TOM1L2: variants seen among roughly 807,000 people sequenced by gnomAD.
TOM1L2 encodes the protein TOM1-like protein 2.
TOM1L2 carries 31 observed loss-of-function variants against 67.9 expected under a neutral mutation model. The observed-to-expected ratio is 0.46, with a 90% CI of 0.34 to 0.62. The LOEUF is 0.62. TOM1L2 is among the 20% of genes least tolerant of loss of function. The pLI is 0.01. For synonymous variants in TOM1L2, 256 were observed against 254.0 expected (o/e 1.01, Z -0.07); for missense variants, 606 against 663.5 (o/e 0.91, Z 0.95).
chr17:17,971,099 C>G (rs570503684), intron 1 of TOM1L2, among the ~76,000 whole-genome samples: 1 of 152,250 alleles, frequency 6.6e-6, no homozygotes, highest in Non-Finnish European at 1.5e-5. Context: ...CCACATCCCC[C>G]CTATAGGATT....
chr17:17,932,984 T>C (rs2040395022), intron 1 of TOM1L2, among the ~76,000 whole-genome samples: 1 of 152,220 alleles, frequency 6.6e-6, no homozygotes, highest in African/African-American at 2.4e-5. Flanking sequence ...ACCTTATCAG[T>C]TATGATTGCA....
chr17:17,920,433 C>T (rs1034549012), intron 1 of TOM1L2, among the ~76,000 whole-genome samples: 3 of 146,004 alleles, frequency 2.1e-5, no homozygotes, highest in African/African-American at 8.0e-5. Context: ...CGCCGGCTCC[C>T]GGGTTCAAGC....
chr17:17,970,191 A>G (rs2042014067), intron 1 of TOM1L2, among the ~76,000 whole-genome samples: 1 of 151,264 alleles, frequency 6.6e-6, no homozygotes, highest in Non-Finnish European at 1.5e-5. Context: ...AGTAGCTGGG[A>G]CTACAGGCGC....
At chr17:17,869,193 G>T in intron 8 of TOM1L2, 147 bp downstream of exon 8, 1 of 1,454,946 alleles carries the variant, frequency 6.9e-7, no homozygotes, top group Admixed American at 2.3e-5. Flanking sequence ...CCTGTCAGCC[G>T]GGAACAAATT....
At chr17:17,960,599 GA>G (rs1171332861) in intron 1 of TOM1L2, among the ~76,000 whole-genome samples, 6 of 152,092 alleles carry the variant, frequency 3.9e-5, no homozygotes, top group Non-Finnish European at 8.8e-5. Context: ...TGGCTGCCCA[GA>G]ATACTAGTAT....
At chr17:17,895,814 T>C (rs1369883605) in intron 3 of TOM1L2, among the ~76,000 whole-genome samples, 1 of 152,196 alleles carries the variant, frequency 6.6e-6, no homozygotes. Context: ...GAAATAACCC[T>C]GTAAGATGGG....
intron 1 of TOM1L2, among the ~76,000 whole-genome samples, chr17:17,915,697 A>T (rs2040141022): frequency 6.6e-6 from 1 of 152,018 alleles, no homozygotes; most frequent in East Asian, 1.9e-4. Flanking sequence ...CTTTAAAAAA[A>T]TTTATGTAGA....
chr17:17,939,786 A>G (rs1412265319), intron 1 of TOM1L2, among the ~76,000 whole-genome samples: 2 of 152,236 alleles, frequency 1.3e-5, no homozygotes, highest in Non-Finnish European at 2.9e-5. Flanking sequence ...ATGTAATGAA[A>G]GTATAAGTAA....
chr17:17,894,967 ACATACATACATG>A (rs1260266300), intron 3 of TOM1L2, among the ~76,000 whole-genome samples: 7 of 136,380 alleles, frequency 5.1e-5, no homozygotes, highest in African/African-American at 2.0e-4. Context: ...ATACATACAT[ACATACATACATG>A]CATGCATGCA....
intron 7 of TOM1L2, among the ~76,000 whole-genome samples, chr17:17,877,501 G>A (rs2037482500): frequency 2.0e-5 from 3 of 152,216 alleles, no homozygotes; most frequent in African/African-American, 7.2e-5. Flanking sequence ...CCACATGGAA[G>A]GTTGGCTGTT....
intron 7 of TOM1L2, among the ~76,000 whole-genome samples, chr17:17,871,339 C>G (rs2037143849): frequency 6.6e-6 from 1 of 151,746 alleles, no homozygotes. Flanking sequence ...CCACTGCACT[C>G]CAGACTGGGA....
chr17:17,928,237 G>A (rs1413688156), intron 1 of TOM1L2, among the ~76,000 whole-genome samples: 1 of 152,136 alleles, frequency 6.6e-6, no homozygotes, highest in African/African-American at 2.4e-5. Flanking sequence ...AATAAATAAG[G>A]GGGAAGGGGA....
At chr17:17,916,074 ATT>A (rs1203797922) in intron 1 of TOM1L2, among the ~76,000 whole-genome samples, 11 of 135,758 alleles carry the variant, frequency 8.1e-5, no homozygotes, top group Non-Finnish European at 8.0e-5. Context: ...CCTTTTTAAG[ATT>A]TTTTTTTTTT....
chr17:17,909,025 C>A (rs2039223091), intron 1 of TOM1L2, among the ~76,000 whole-genome samples: 1 of 152,008 alleles, frequency 6.6e-6, no homozygotes, highest in South Asian at 2.1e-4. Context: ...ACTAAAAATA[C>A]AAAAAATTAG....
intron 1 of TOM1L2, among the ~76,000 whole-genome samples, chr17:17,959,585 A>T (rs1241885629): frequency 6.6e-6 from 1 of 151,914 alleles, no homozygotes; most frequent in Non-Finnish European, 1.5e-5. Flanking sequence ...CAGCTTTCAA[A>T]CCCCAAGCAA....
At chr17:17,898,503 TA>T in intron 3 of TOM1L2, 92 bp downstream of exon 3, 1 of 1,315,064 alleles carries the variant, frequency 7.6e-7, no homozygotes, top group Non-Finnish European at 1.1e-6. Flanking sequence ...GAGGTTGTGC[TA>T]AGTGGGCAGA....
chr17:17,904,214 G>C (rs1323820819), intron 2 of TOM1L2, among the ~76,000 whole-genome samples: 1 of 152,154 alleles, frequency 6.6e-6, no homozygotes, highest in African/African-American at 2.4e-5. Context: ...CACTCAAAAA[G>C]GTAGCAACAG....
chr17:17,870,579 A>G (rs1470479096), intron 7 of TOM1L2, among the ~76,000 whole-genome samples: 5 of 152,306 alleles, frequency 3.3e-5, no homozygotes, highest in Admixed American at 2.6e-4. Flanking sequence ...TAAGACATGA[A>G]GGATAAGTCT....
chr17:17,945,752 C>A (rs2040920052), intron 1 of TOM1L2, among the ~76,000 whole-genome samples: 2 of 152,052 alleles, frequency 1.3e-5, no homozygotes, highest in Admixed American at 1.3e-4. Flanking sequence ...ATGTAGGACT[C>A]TTTCCATTTA....
Sources: gnomAD v4.1 joint callset for allele counts (sites outside exome capture counted in the v4.1 genomes callset) on GRCh38, gnomAD v4.1.1 for gene constraint, MANE v1.5 for transcripts, NCBI Gene and HGNC (gene_info 2026-07-23, HGNC 2026-07-21) for gene names.